The following TNRC6C variants were observed in gnomAD, a reference collection of about 807,000 sequenced individuals.
TNRC6C encodes trinucleotide repeat-containing gene 6C protein.
In TNRC6C, 20 loss-of-function variants were observed where a neutral mutation model predicts 153.7. The ratio of observed to expected loss-of-function variants is 0.13; its 90% CI spans 0.09 to 0.19. The LOEUF (loss-of-function observed/expected upper bound fraction) is 0.19. Ranked by LOEUF, TNRC6C falls within the 10% of genes least tolerant of loss-of-function variation. TNRC6C has a pLI of 1.00. For missense variants in TNRC6C, 1,987 were observed against 2,172.0 expected (o/e 0.91, Z 1.69); for synonymous variants, 811 against 841.4 (o/e 0.96, Z 0.63).
At chr17:78,039,146 T>G (rs2072241038) in intron 2 of TNRC6C, among the ~76,000 whole-genome samples, 1 of 152,200 alleles carries the variant, frequency 6.6e-6, no homozygotes, top group African/African-American at 2.4e-5. Flanking sequence ...AAAACAGAGT[T>G]GACTGTATTC....
intron 16 of TNRC6C, among the ~76,000 whole-genome samples, chr17:78,094,788 TG>T (rs1444917830): frequency 1.3e-5 from 2 of 152,374 alleles, no homozygotes; most frequent in Non-Finnish European, 2.9e-5. Context: ...GCCTGTGGTT[TG>T]GCTGGAAAGC....
intron 1 of TNRC6C, among the ~76,000 whole-genome samples, chr17:78,011,840 G>A (rs2071637406): frequency 6.6e-6 from 1 of 152,166 alleles, no homozygotes; most frequent in Non-Finnish European, 1.5e-5. Flanking sequence ...CATAATTTTA[G>A]CCATTCTAAT....
chr17:78,022,725 C>T (rs762928361), intron 1 of TNRC6C, among the ~76,000 whole-genome samples: 57 of 152,076 alleles, frequency 3.7e-4, no homozygotes, highest in Non-Finnish European at 7.8e-4. Flanking sequence ...TTCTTCATTT[C>T]GAGTCTTTTA....
In TNRC6C at chr17:78,089,322, C is replaced by G. The variant is rs1375119789; in HGVS notation, c.3803-2118C>G. 2.6e-5 allele frequency among the ~76,000 whole-genome samples: 4 copies of G among 152,144 alleles called. No individual in the cohort carries two copies. In the East Asian group the frequency reaches 7.7e-4, roughly 29 times the overall value. ...CTTAGTACAAGTTAAAGAATTCATGCAGTGAATCTTTGAAATTAGTTGAAA... is the reference window on the plus strand; with the variant it reads ...CTTAGTACAAGTTAAAGAATTCATGGAGTGAATCTTTGAAATTAGTTGAAA... On this transcript the variant is annotated intron_variant, in intron 13 of 19. Transcript: ENST00000301624.
At position 78,097,862 on chromosome 17, in the gene TNRC6C, G is replaced by T. The variant is rs895228660; in HGVS notation, c.4307-481G>T. 6.5e-7 allele frequency: 1 copy of T among 1,540,244 alleles called. No individual in the cohort carries two copies. On this transcript the variant is annotated intron_variant, in intron 16 of 19. Transcript: ENST00000301624. ...ATTGCATCCGCACCTAGTGTTGCAG[G>T]TACGCGCCTGGCCTCTAGACTTGCA...
chr17:78,067,922 A>C (rs1343411797), exon 5 of TNRC6C: 1 of 1,610,278 alleles, frequency 6.2e-7, no homozygotes, highest in Non-Finnish European at 8.5e-7. Context: ...GGACTTCAAA[A>C]GGTAAGTACA....
At chr17:78,020,098 A>G (rs1233449522) in intron 1 of TNRC6C, among the ~76,000 whole-genome samples, 1 of 152,216 alleles carries the variant, frequency 6.6e-6, no homozygotes, top group Non-Finnish European at 1.5e-5. Flanking sequence ...TCACTGCATA[A>G]TATAAAAGAG....
intron 1 of TNRC6C, among the ~76,000 whole-genome samples, chr17:78,014,972 G>A (rs2071701563): frequency 6.6e-6 from 1 of 151,938 alleles, no homozygotes; most frequent in Non-Finnish European, 1.5e-5. Flanking sequence ...TGCTGTATAG[G>A]CTGCAGAAGA....
At chr17:77,981,260 G>A (rs1331100928) in intron 1 of TNRC6C, among the ~76,000 whole-genome samples, 3 of 152,156 alleles carry the variant, frequency 2.0e-5, no homozygotes, top group Non-Finnish European at 4.4e-5. Flanking sequence ...GTTTTTATGA[G>A]AACTTCATTA....
At chr17:77,987,083 T>TG (rs1567902248) in intron 1 of TNRC6C, among the ~76,000 whole-genome samples, 1 of 152,124 alleles carries the variant, frequency 6.6e-6, no homozygotes. Context: ...AGACAAAAAC[T>TG]GGGGGAAGTG....
chr17:78,094,920 C>T (rs966683644), intron 16 of TNRC6C, among the ~76,000 whole-genome samples: 5 of 152,172 alleles, frequency 3.3e-5, no homozygotes, highest in Non-Finnish European at 7.3e-5. Context: ...TGCTGTCAGA[C>T]ACAGCCAAGT....
chr17:78,000,630 C>CCCCCCA (rs1555628277), upstream of TNRC6C, among the ~76,000 whole-genome samples: 6 of 62,304 alleles, frequency 9.6e-5, no homozygotes, highest in East Asian at 1.0e-3. Flanking sequence ...CCCCCCCCCC[C>CCCCCCA]CACACACACA....
intron 7 of TNRC6C, 106 bp downstream of exon 9, chr17:78,073,200 G>C: frequency 1.1e-6 from 1 of 933,234 alleles, no homozygotes; most frequent in Non-Finnish European, 1.6e-6. Flanking sequence ...GTCCTGGGTA[G>C]ACAGGACCAG....
chr17:77,975,240 T>C (rs1414522004), intron 1 of TNRC6C, among the ~76,000 whole-genome samples: 1 of 152,184 alleles, frequency 6.6e-6, no homozygotes, highest in Non-Finnish European at 1.5e-5. Flanking sequence ...GGAGGTTTTT[T>C]TTTAGCATCT....
In TNRC6C at chr17:78,049,170, C is replaced by T. The variant is rs1283924144; in HGVS notation, c.108C>T (p.Ala36=). ...TCCAAAGCCCTTCTAATCAGAGTGC[C>T]CTTGGAGCAGGGGGAGCGAACAGTA... The change falls in exon 3 of 20, where the codon GCC becomes GCT. Residue 36 remains alanine (A), a synonymous_variant. Transcript: ENST00000301624. The surrounding 1 kb of genome is among the most constrained non-coding windows in gnomAD (Gnocchi z 4.1). 5.0e-6 allele frequency: 8 copies of T among 1,612,834 alleles called. No individual in the cohort carries two copies. The highest frequency in any genetic ancestry group is 5.1e-6 in the Non-Finnish European group (6 of 1,179,436).
At chr17:77,999,454 G>A (rs1419204811), upstream of TNRC6C, among the ~76,000 whole-genome samples, 3 of 152,190 alleles carry the variant, frequency 2.0e-5, no homozygotes, top group Admixed American at 2.0e-4. Flanking sequence ...TTATGTGTTT[G>A]TGTTTATATT....
upstream of TNRC6C, among the ~76,000 whole-genome samples, chr17:78,001,340 C>T (rs1254962547): frequency 1.3e-5 from 2 of 152,206 alleles, no homozygotes; most frequent in East Asian, 3.8e-4. Context: ...TATCAGATTT[C>T]CTCCTTACCT....
intron 2 of TNRC6C, among the ~76,000 whole-genome samples, chr17:78,044,188 G>A (rs1195345535): frequency 6.6e-6 from 1 of 152,072 alleles, no homozygotes; most frequent in African/African-American, 2.4e-5. Flanking sequence ...AGTTCCTCTT[G>A]TACTAACTTC....
At chr17:78,089,127 C>G (rs949505913) in intron 13 of TNRC6C, among the ~76,000 whole-genome samples, 1 of 151,950 alleles carries the variant, frequency 6.6e-6, no homozygotes, top group Non-Finnish European at 1.5e-5. Flanking sequence ...ATCACCACGC[C>G]TGGCTAATTT....
Sources: allele counts gnomAD v4.1 joint callset (sites outside exome capture counted in the v4.1 genomes callset), GRCh38; gene constraint gnomAD v4.1.1; non-coding constraint Gnocchi (gnomAD v3.1); transcripts MANE v1.5; gene names NCBI Gene and HGNC (gene_info 2026-07-23, HGNC 2026-07-21).